ERICH6: variants seen among roughly 807,000 people sequenced by gnomAD.
The protein encoded by ERICH6 is glutamate rich 6, also known as glutamate-rich protein 6.
In ERICH6, 71 loss-of-function variants were observed where a neutral mutation model predicts 71.0. That is an observed-to-expected ratio of 1.00 (90% CI 0.83 to 1.22). The LOEUF (loss-of-function observed/expected upper bound fraction) is 1.22. ERICH6 is among the 50% of genes most tolerant of loss of function. The pLI, the probability that ERICH6 is intolerant of heterozygous loss-of-function variation, is 0.00. For missense variants in ERICH6, 808 were observed against 797.2 expected, an observed-to-expected ratio of 1.01 and a Z score of -0.16; for synonymous variants, 262 against 278.4, an observed-to-expected ratio of 0.94 and a Z score of 0.59.
At chr3:150,683,014 G>A (rs1712030837) in intron 6 of ERICH6, among the ~76,000 whole-genome samples, 1 of 152,138 alleles carries the variant, frequency 6.6e-6, no homozygotes, top group South Asian at 2.1e-4. Flanking sequence ...CTGAGCAGGT[G>A]AGCAGCCAAG....
Position 150,689,234 on chromosome 3 carries a change from G to C in ERICH6, c.554-2880C>G, listed in dbSNP as rs752126208. Among the ~76,000 whole-genome samples, 113 of 121,136 alleles carry C rather than the reference G, an allele frequency of 9.3e-4. 4 individuals carry two copies. Among genetic ancestry groups the C allele is most frequent in the Non-Finnish European group, 8.1e-4 (40 of 49,538 alleles). 79.5% of individuals were successfully genotyped at this position (121,136 alleles called of 152,430 possible). A position where few individuals can be genotyped will look rare whatever the true frequency, so the allele number is the denominator to read the frequency against. Reference sequence around the variant, plus strand: ...TTTTACTTGCTTCCAACTCAAGGAAGTCATTTTTTTCCTGCTTCCATGACA... The same window carrying C: ...TTTTACTTGCTTCCAACTCAAGGAACTCATTTTTTTCCTGCTTCCATGACA... On this transcript the variant is annotated intron_variant, in intron 3 of 13. Coordinates refer to ENST00000295910, the MANE Select transcript of ERICH6 (RefSeq NM_152394.5).
Position 150,680,841 on chromosome 3 carries a change from A to AGCAATTAATTCAG in ERICH6, c.959_971dup (p.Ile325Ter), listed in dbSNP as rs1198304586. 1.9e-6 allele frequency: 3 copies of AGCAATTAATTCAG among 1,614,008 alleles called. No homozygotes were observed. The Admixed American group carries it at 5.0e-5, about 27-fold the overall frequency. On this transcript the variant is annotated stop_gained and frameshift_variant, in exon 8 of 14. Coordinates refer to ENST00000295910, the MANE Select transcript of ERICH6 (RefSeq NM_152394.5). LOFTEE classifies it high-confidence loss of function. ...TACCATGGGCTGCATGAGGGTCAAT[A>AGCAATTAATTCAG]GCAATTAATTCAGCTTTAGGGGGTT...
At chr3:150,699,011 T>G in intron 2 of ERICH6, 129 bp from the exon 3 acceptor site, 1 of 657,228 alleles carries the variant, frequency 1.5e-6, no homozygotes, top group East Asian at 2.7e-5. Flanking sequence ...AAATATTTTC[T>G]TCCATTTTTA....
intron 12 of ERICH6, among the ~76,000 whole-genome samples, chr3:150,669,035 T>C (rs1462591094): frequency 6.6e-6 from 1 of 152,230 alleles, no homozygotes; most frequent in Non-Finnish European, 1.5e-5. Context: ...TTTTTGTATG[T>C]TGTAATTATA....
Position 150,698,770 on chromosome 3 carries a change from CT to C in ERICH6, c.553+20del. ...ATGCAATCCCTCCTCCCAGGAAAAG[CT>C]AAGAAATCAAACTACTCACTCGATT... is the stretch of plus-strand genomic sequence containing the variant. On this transcript the variant is annotated intron_variant, in intron 3 of 13. Transcript: ENST00000295910. 6.3e-7 allele frequency: 1 copy of C among 1,598,350 alleles called. No individual in the cohort carries two copies. Among genetic ancestry groups the C allele is most frequent in the Non-Finnish European group, 8.6e-7 (1 of 1,166,088 alleles).
At chr3:150,664,542 G>A (rs976299452) in intron 13 of ERICH6, among the ~76,000 whole-genome samples, 1 of 151,876 alleles carries the variant, frequency 6.6e-6, no homozygotes. Flanking sequence ...AGCTACTCAG[G>A]AGGCTGAGGC....
At position 150,686,410 on chromosome 3, in the gene ERICH6, T is replaced by A. The variant is rs537290008; in HGVS notation, c.554-56A>T. Reference sequence around the variant, plus strand: ...CTGACAAAGTAGAAAAGAAGCTGAATATAAAAGAAAATACATCTCTCAGAA... The same window carrying A: ...CTGACAAAGTAGAAAAGAAGCTGAAAATAAAAGAAAATACATCTCTCAGAA... On this transcript the variant is annotated intron_variant, in intron 3 of 13. Transcript: ENST00000295910. 5 of 1,471,836 alleles carry A rather than the reference T, an allele frequency of 3.4e-6. No individual in the cohort carries two copies. In the East Asian group the frequency reaches 9.1e-5, roughly 27 times the overall value. 91.2% of individuals were successfully genotyped at this position (1,471,836 alleles called of 1,614,324 possible). A position where few individuals can be genotyped will look rare whatever the true frequency, so the allele number is the denominator to read the frequency against.
At chr3:150,671,771 G>A (rs921948358) in intron 11 of ERICH6, among the ~76,000 whole-genome samples, 1 of 152,120 alleles carries the variant, frequency 6.6e-6, no homozygotes, top group Non-Finnish European at 1.5e-5. Context: ...GTAACTACAG[G>A]TGTGCACCAC....
chr3:150,684,185 A>T (rs190728599), intron 6 of ERICH6, among the ~76,000 whole-genome samples: 12 of 152,254 alleles, frequency 7.9e-5, no homozygotes, highest in African/African-American at 1.7e-4. Flanking sequence ...CCAGGAGTTC[A>T]GCCCACCCTG....
intron 12 of ERICH6, among the ~76,000 whole-genome samples, chr3:150,667,422 G>T (rs1318737638): frequency 3.3e-5 from 5 of 152,174 alleles, no homozygotes; most frequent in African/African-American, 1.2e-4. Flanking sequence ...GGAAGGCTGT[G>T]TTGACCTCAG....
chr3:150,698,495 G>T (rs1329389017), intron 3 of ERICH6, among the ~76,000 whole-genome samples: 4 of 152,134 alleles, frequency 2.6e-5, no homozygotes, highest in Admixed American at 2.6e-4. Flanking sequence ...ATAAAGATAT[G>T]TATCAAAAAT....
chr3:150,686,130 G>A (rs1037783894), intron 4 of ERICH6, 109 bp from the exon 5 acceptor site: 8 of 1,186,388 alleles, frequency 6.7e-6, no homozygotes, highest in African/African-American at 4.5e-5. Flanking sequence ...TGCCCAGCAC[G>A]CACACACTGT....
chr3:150,675,440 C>T (rs191411183), intron 10 of ERICH6, among the ~76,000 whole-genome samples: 1 of 152,270 alleles, frequency 6.6e-6, no homozygotes, highest in Admixed American at 6.5e-5. Flanking sequence ...CTTCCACCCC[C>T]TGGGTTCAAG....
At chr3:150,688,039 G>C (rs558291847) in intron 3 of ERICH6, among the ~76,000 whole-genome samples, 1 of 152,246 alleles carries the variant, frequency 6.6e-6, no homozygotes, top group African/African-American at 2.4e-5. Flanking sequence ...AGGATTGCTG[G>C]AGCAGGAGGT....
intron 12 of ERICH6, among the ~76,000 whole-genome samples, chr3:150,667,573 A>T (rs1293270722): frequency 6.6e-6 from 1 of 152,172 alleles, no homozygotes; most frequent in Non-Finnish European, 1.5e-5. Flanking sequence ...TCTGTGACAG[A>T]GCAAAGGTGG....
At chr3:150,676,394 G>A (rs183199917) in intron 10 of ERICH6, among the ~76,000 whole-genome samples, 36 of 151,932 alleles carry the variant, frequency 2.4e-4, no homozygotes, top group African/African-American at 8.4e-4. Flanking sequence ...TCATGATCAC[G>A]GTTAGACTTC....
intron 13 of ERICH6, among the ~76,000 whole-genome samples, chr3:150,663,022 A>G (rs1267537194): frequency 1.3e-5 from 2 of 152,248 alleles, no homozygotes; most frequent in Non-Finnish European, 2.9e-5. Context: ...AAAGAGGTCC[A>G]GATTGTGTAC....
intron 7 of ERICH6, 69 bp downstream of exon 7, chr3:150,682,149 T>C: frequency 7.5e-7 from 1 of 1,329,146 alleles, no homozygotes; most frequent in Non-Finnish European, 1.1e-6. Context: ...AGGGGAAAGA[T>C]GCAAGAGAAA....
intron 2 of ERICH6, among the ~76,000 whole-genome samples, chr3:150,699,138 C>G (rs1413862959): frequency 6.6e-6 from 1 of 151,836 alleles, no homozygotes; most frequent in Non-Finnish European, 1.5e-5. Flanking sequence ...TGGTGAGACC[C>G]TATCTCTATA....
Sources: gnomAD v4.1 joint callset for allele counts (sites outside exome capture counted in the v4.1 genomes callset) on GRCh38, gnomAD v4.1.1 for gene constraint, MANE v1.5 for transcripts, NCBI Gene and HGNC (gene_info 2026-07-23, HGNC 2026-07-21) for gene names.